Variants in BRCA2 observed in about 807,000 individuals in gnomAD.
The protein encoded by BRCA2 is breast cancer type 2 susceptibility protein.
A neutral mutation model predicts 276.7 loss-of-function variants in BRCA2; 203 were observed. That is an observed-to-expected ratio of 0.73 (90% CI 0.65 to 0.82). The LOEUF (loss-of-function observed/expected upper bound fraction) is 0.82, where lower values mean the gene tolerates loss of function less well. BRCA2 is among the 40% of genes least tolerant of loss of function. The pLI is 0.00. For missense variants in BRCA2, 3,920 were observed against 3,915.0 expected (o/e 1.00, Z -0.03); for synonymous variants, 1,289 against 1,338.4 (o/e 0.96, Z 0.81).
At chr13:32,365,675 GC>G (rs1233477357) in intron 18 of BRCA2, among the ~76,000 whole-genome samples, 1 of 148,946 alleles carries the variant, frequency 6.7e-6, no homozygotes, top group Admixed American at 6.7e-5. Context: ...ACCACGCCCA[GC>G]CTGTTTTGTT....
intron 16 of BRCA2, among the ~76,000 whole-genome samples, chr13:32,360,155 CT>C (rs1182134252): frequency 6.6e-6 from 1 of 152,132 alleles, no homozygotes; most frequent in African/African-American, 2.4e-5. Flanking sequence ...TAGGACTATC[CT>C]AGCAAAAGAC....
At chr13:32,393,022 G>A (rs912308377) in intron 24 of BRCA2, among the ~76,000 whole-genome samples, 2 of 151,986 alleles carry the variant, frequency 1.3e-5, no homozygotes, top group Non-Finnish European at 2.9e-5. Flanking sequence ...GTTTTCTCAT[G>A]ACTAGGATGA....
At chr13:32,362,830 T>C in intron 17 of BRCA2, 137 bp downstream of exon 17, 1 of 927,988 alleles carries the variant, frequency 1.1e-6, no homozygotes, top group Non-Finnish European at 1.7e-6. Context: ...GCTGTTCTCC[T>C]GTCATCCCTA....
chr13:32,349,323 A>AC lies in BRCA2; in HGVS notation c.7007+2427_7007+2428insC, dbSNP rs572970006. Among the ~76,000 whole-genome samples the AC allele has an allele frequency of 6.3e-3, 614 of 97,664 alleles. 2 individuals are homozygous for AC. Among genetic ancestry groups the AC allele is most frequent in the African/African-American group, 7.9e-3 (201 of 25,420 alleles). The allele number at this position is 97,664 out of a possible 152,430, so 64.1% of individuals were successfully genotyped here. On this transcript the variant is annotated intron_variant, in intron 13 of 26. Coordinates refer to ENST00000380152, the MANE Select transcript of BRCA2 (RefSeq NM_000059.4). ...TCATTGAAGAAACTTACACACACAC[A>AC]AAAAAAAAACAAGGAAAATAGGAAA...
At chr13:32,316,600 C>T (rs2138699011) in intron 2 of BRCA2, 73 bp downstream of exon 2, 2 of 1,302,736 alleles carry the variant, frequency 1.5e-6, no homozygotes, top group South Asian at 1.3e-5. Flanking sequence ...TGCTAAAAAC[C>T]CAGTACGTCA....
In BRCA2 at chr13:32,332,619, G is replaced by A. The variant is rs398122723; in HGVS notation, c.1141G>A (p.Asp381Asn). ...ANQKPFESGSDKISKEVVPSL... is the reference protein window; with the variant it reads ...ANQKPFESGSNKISKEVVPSL... ...TCAGAAGCCCTTTGAGAGTGGAAGTGACAAAATCTCCAAGGAAGTTGTACC... is the reference window on the plus strand; with the variant it reads ...TCAGAAGCCCTTTGAGAGTGGAAGTAACAAAATCTCCAAGGAAGTTGTACC... Residue 381 changes from aspartate (D) to asparagine (N), a missense_variant, in exon 10 of 27, where the codon GAC becomes AAC. This residue lies in a region of BRCA2 where 3,263 missense variants were observed against 3,156.9 expected (regional missense o/e 1.03). Transcript: ENST00000380152. 1.9e-5 allele frequency: 30 copies of A among 1,614,090 alleles called. No homozygotes were observed. In the Admixed American group the frequency reaches 5.0e-4, roughly 27 times the overall value.
At chr13:32,353,007 A>G (rs943303964) in intron 13 of BRCA2, among the ~76,000 whole-genome samples, 7 of 152,210 alleles carry the variant, frequency 4.6e-5, no homozygotes, top group African/African-American at 1.4e-4. Flanking sequence ...GGATTAAAAG[A>G]TCAATCAATA....
rs80359012 is a variant in BRCA2, at chr13:32,362,585, A to G, written c.7868A>G (p.His2623Arg). The change falls in exon 17 of 27, where the codon CAC becomes CGC. Residue 2623 changes from histidine (H) to arginine (R), a missense_variant. By Grantham distance (29) the His-to-Arg change is conservative (BLOSUM62 0). Transcript: ENST00000380152. ...ATTTCTAGAATTTGGGTTTATAATCACTATAGATGGATCATATGGAAACTG... is the reference window on the plus strand; with the variant it reads ...ATTTCTAGAATTTGGGTTTATAATCGCTATAGATGGATCATATGGAAACTG... ...KLISRIWVYN[H>R]YRWIIWKLAA... 1 of 1,614,140 alleles carries G rather than the reference A, an allele frequency of 6.2e-7. No individual in the cohort carries two copies. The highest frequency in any genetic ancestry group is 8.5e-7 in the Non-Finnish European group (1 of 1,179,976).
intron 10 of BRCA2, among the ~76,000 whole-genome samples, chr13:32,335,698 A>T (rs1433678671): frequency 6.6e-6 from 1 of 151,942 alleles, no homozygotes; most frequent in Non-Finnish European, 1.5e-5. Context: ...TACTTCCTTG[A>T]CCTAGATACT....
intron 10 of BRCA2, 95 bp downstream of exon 10, chr13:32,333,482 CTTATAT>C: frequency 7.5e-7 from 1 of 1,330,906 alleles, no homozygotes; most frequent in Non-Finnish European, 1.0e-6. Flanking sequence ...ATCTTCATAT[CTTATAT>C]TTAATCTTAG....
At chr13:32,385,606 G>T in intron 24 of BRCA2, 1 of 269,772 alleles carries the variant, frequency 3.7e-6, no homozygotes, top group South Asian at 5.6e-5. Flanking sequence ...GCAGCCTAGA[G>T]GGCAGAACAG....
intron 11 of BRCA2, among the ~76,000 whole-genome samples, chr13:32,342,700 G>A (rs1225964559): frequency 6.6e-6 from 1 of 152,168 alleles, no homozygotes; most frequent in East Asian, 1.9e-4. Flanking sequence ...TAACACAGTG[G>A]CAAGCATTTG....
intron 24 of BRCA2, among the ~76,000 whole-genome samples, chr13:32,382,858 T>C (rs1042043982): frequency 1.3e-5 from 2 of 152,154 alleles, no homozygotes; most frequent in East Asian, 1.9e-4. Context: ...TCTCAGATAC[T>C]GTGTGGTATG....
At chr13:32,364,928 C>A (rs2072770338) in intron 18 of BRCA2, among the ~76,000 whole-genome samples, 1 of 151,956 alleles carries the variant, frequency 6.6e-6, no homozygotes, top group African/African-American at 2.4e-5. Flanking sequence ...TAGAGTTTTT[C>A]CCCCAATTTT....
rs587782755 is a variant in BRCA2, at chr13:32,332,743, A to C, written c.1265A>C (p.Asn422Thr). The change falls in exon 10 of 27, where the codon AAT (asparagine) becomes ACT (threonine). Residue 422 changes from asparagine to threonine, a missense_variant. Around this residue, in one of 2 missense-constraint regions of BRCA2, gnomAD observed 3,263 missense variants for 3,156.9 expected, o/e 1.03. Coordinates refer to ENST00000380152, the MANE Select transcript of BRCA2 (RefSeq NM_000059.4). The stretch of plus-strand genomic sequence containing the variant: ...TTGCATATTTCTTCATGTGACCAAA[A>C]TATTTCAGAAAAAGACCTATTAGAC... Reference protein sequence around the residue: ...PLLHISSCDQNISEKDLLDTE... With the variant: ...PLLHISSCDQTISEKDLLDTE... 6.2e-7 allele frequency: 1 copy of C among 1,609,672 alleles called. No homozygotes were observed. The highest frequency in any genetic ancestry group is 8.5e-7 in the Non-Finnish European group (1 of 1,178,882).
At chr13:32,368,144 T>C (rs1350800463) in intron 18 of BRCA2, among the ~76,000 whole-genome samples, 2 of 148,734 alleles carry the variant, frequency 1.3e-5, no homozygotes, top group African/African-American at 4.9e-5. Flanking sequence ...CTCAGCCTCC[T>C]AAGTAGCTGG....
Position 32,333,091 on chromosome 13 carries a change from G to A in BRCA2, c.1613G>A (p.Ser538Asn), listed in dbSNP as rs994146384. 4 of 1,612,768 alleles carry A rather than the reference G, an allele frequency of 2.5e-6. No homozygotes were observed. Among genetic ancestry groups the A allele is most frequent in the Non-Finnish European group, 3.4e-6 (4 of 1,179,748 alleles). Reference protein sequence around the residue: ...NFKKETEASESGLEIHTVCSQ... With the variant: ...NFKKETEASENGLEIHTVCSQ... ...AAAAAAGAAACTGAAGCCTCTGAAA[G>A]TGGACTGGAAATACATACTGTTTGC... The change falls in exon 10 of 27, where the codon AGT becomes AAT. Residue 538 changes from serine (S) to asparagine (N), a missense_variant. Coordinates refer to ENST00000380152, the MANE Select transcript of BRCA2 (RefSeq NM_000059.4).
Position 32,340,922 on chromosome 13 carries a change from C to T in BRCA2, c.6567C>T (p.Asn2189=), listed in dbSNP as rs397507374. The T allele has an allele frequency of 6.8e-6, 11 of 1,609,852 alleles. No individual in the cohort carries two copies. Among genetic ancestry groups the T allele is most frequent in the East Asian group, 2.2e-5 (1 of 44,788 alleles). The change falls in exon 11 of 27, where the codon AAC becomes AAT. Residue 2189 remains asparagine, a synonymous_variant. Transcript: ENST00000380152. The part of the protein sequence containing the change: ...VLGKEQASPK[N]VKMEIGKTET... ...GAAAAGAACAGGCTTCACCTAAAAACGTAAAAATGGAAATTGGTAAAACTG... is the reference window on the plus strand; with the variant it reads ...GAAAAGAACAGGCTTCACCTAAAAATGTAAAAATGGAAATTGGTAAAACTG...
intron 18 of BRCA2, among the ~76,000 whole-genome samples, chr13:32,367,550 T>G (rs1182900088): frequency 6.9e-6 from 1 of 145,120 alleles, no homozygotes; most frequent in Non-Finnish European, 1.5e-5. Flanking sequence ...ACGCGTGTAA[T>G]TGCAGTACTT....
Sources: gnomAD v4.1 joint callset for allele counts (sites outside exome capture counted in the v4.1 genomes callset) on GRCh38, gnomAD v4.1.1 for gene constraint, gnomAD v4.1.1 regional missense constraint, MANE v1.5 for transcripts, NCBI Gene and HGNC (gene_info 2026-07-23, HGNC 2026-07-21) for gene names.